The following BLTP3A variants were observed in gnomAD, a reference collection of about 807,000 sequenced individuals.
BLTP3A encodes ICBP90 binding protein 1.
chr6:34,816,976 A>G, the BLTP3A span, among the ~76,000 whole-genome samples: 1 of 152,214 alleles, frequency 6.6e-6, no homozygotes, highest in Non-Finnish European at 1.5e-5. Context: ...GTAGAAGGAA[A>G]TAATTATAAT....
chr6:34,829,839 A>C, the BLTP3A span, among the ~76,000 whole-genome samples: 9 of 145,456 alleles, frequency 6.2e-5, no homozygotes, highest in South Asian at 2.2e-4. Flanking sequence ...GAGTCTCGCT[A>C]TGTCACCCAA....
chr6:34,817,843 G>A, the BLTP3A span, among the ~76,000 whole-genome samples: 138 of 147,448 alleles, frequency 9.4e-4, no homozygotes, highest in Non-Finnish European at 1.7e-3. Flanking sequence ...CCAGCAAGAC[G>A]TGTAGGAATT....
At chr6:34,869,794 G>A in the BLTP3A span, among the ~76,000 whole-genome samples, 1 of 151,800 alleles carries the variant, frequency 6.6e-6, no homozygotes, top group South Asian at 2.1e-4. Context: ...CAGGACTACA[G>A]GTGCCTGCCA....
At chr6:34,852,317 C>T in the BLTP3A span, among the ~76,000 whole-genome samples, 1 of 152,074 alleles carries the variant, frequency 6.6e-6, no homozygotes, top group East Asian at 1.9e-4. Context: ...TATTCAAGGC[C>T]CAAGGGCCCT....
At chr6:34,805,562 C>A in the BLTP3A span, among the ~76,000 whole-genome samples, 2 of 146,320 alleles carry the variant, frequency 1.4e-5, no homozygotes, top group East Asian at 4.0e-4. Flanking sequence ...CATTGCACCC[C>A]AGGCTGGGCA....
the BLTP3A span, chr6:34,834,109 T>G: frequency 8.1e-7 from 1 of 1,232,270 alleles, no homozygotes; most frequent in Non-Finnish European, 1.1e-6. Context: ...CTCAAAAAAA[T>G]AAAAAGACTA....
chr6:34,806,005 CAAAG>C, the BLTP3A span, among the ~76,000 whole-genome samples: 1 of 152,016 alleles, frequency 6.6e-6, no homozygotes. Context: ...CTCAACCTCA[CAAAG>C]AAATTTATTT....
chr6:34,863,096 C>A, the BLTP3A span, among the ~76,000 whole-genome samples: 1,282 of 151,908 alleles, frequency 8.4e-3, 17 homozygotes, highest in African/African-American at 0.027. Context: ...TTGTAGAGAC[C>A]AGGTTTTGCC....
At chr6:34,869,240 G>A in the BLTP3A span, among the ~76,000 whole-genome samples, 3 of 151,970 alleles carry the variant, frequency 2.0e-5, no homozygotes, top group African/African-American at 4.8e-5. Context: ...GGCCTCAAGC[G>A]ATCTGTCCAT....
chr6:34,835,528 C>A, the BLTP3A span: 1 of 1,519,502 alleles, frequency 6.6e-7, no homozygotes. Flanking sequence ...CTAACTCATA[C>A]TAATGTAGGT....
the BLTP3A span, among the ~76,000 whole-genome samples, chr6:34,798,975 T>C: frequency 1.3e-5 from 2 of 152,124 alleles, no homozygotes; most frequent in Admixed American, 1.3e-4. Flanking sequence ...AGGGTCTCGC[T>C]CTGTTGCCCA....
chr6:34,873,995 A>G, the BLTP3A span: 1 of 152,218 alleles, frequency 6.6e-6, no homozygotes, highest in South Asian at 2.1e-4. Context: ...TTCTTTACTA[A>G]GGCAATTTTT....
At chr6:34,859,406 A>G in the BLTP3A span, 1 of 1,614,144 alleles carries the variant, frequency 6.2e-7, no homozygotes. Flanking sequence ...ATTGAGGGAG[A>G]ATTGTCAAGT....
At chr6:34,858,383 T>C in the BLTP3A span, 1 of 1,614,110 alleles carries the variant, frequency 6.2e-7, no homozygotes, top group African/African-American at 1.3e-5. Flanking sequence ...GATTCCTGCC[T>C]GCCTCAGCCT....
chr6:34,845,943 G>A, the BLTP3A span, among the ~76,000 whole-genome samples: 2 of 152,056 alleles, frequency 1.3e-5, no homozygotes, highest in Non-Finnish European at 2.9e-5. Context: ...ATGTCACCCA[G>A]TCTGGAGTTG....
chr6:34,795,390 TTTTTTTG>T, the BLTP3A span, among the ~76,000 whole-genome samples: 1 of 150,136 alleles, frequency 6.7e-6, no homozygotes, highest in African/African-American at 2.5e-5. Context: ...AACATACAGT[TTTTTTTG>T]TTTTTTGTTT....
chr6:34,849,968 C>T, the BLTP3A span, among the ~76,000 whole-genome samples: 1 of 152,032 alleles, frequency 6.6e-6, no homozygotes, highest in Non-Finnish European at 1.5e-5. Context: ...TGGAGAAACC[C>T]TGTCTCTACT....
At chr6:34,828,308 G>A in the BLTP3A span, among the ~76,000 whole-genome samples, 2 of 151,782 alleles carry the variant, frequency 1.3e-5, no homozygotes, top group South Asian at 2.1e-4. Context: ...AAAATTAGCC[G>A]TGCATGGTGG....
At chr6:34,829,505 A>G in the BLTP3A span, among the ~76,000 whole-genome samples, 1 of 152,194 alleles carries the variant, frequency 6.6e-6, no homozygotes, top group Non-Finnish European at 1.5e-5. Flanking sequence ...TTAGCTTAAC[A>G]TTATGTTTGT....
Sources: gnomAD v4.1 joint callset for allele counts (sites outside exome capture counted in the v4.1 genomes callset) on GRCh38, gnomAD v4.1.1 for gene constraint, MANE v1.5 for transcripts, NCBI Gene and HGNC (gene_info 2026-07-23, HGNC 2026-07-21) for gene names.